The following PDIA3 variants were observed in gnomAD, a reference collection of about 807,000 sequenced individuals.
PDIA3 encodes protein disulfide isomerase family A member 3, also known as protein disulfide-isomerase A3.
Under a neutral mutation model 56.9 loss-of-function variants are expected in PDIA3, and 16 were observed. The observed-to-expected ratio is 0.28, with a 90% CI of 0.19 to 0.43. The LOEUF is 0.43. PDIA3 is among the 20% of genes least tolerant of loss of function. The pLI is 1.00. For missense variants in PDIA3, 485 were observed against 621.3 expected (o/e 0.78, Z 2.33); for synonymous variants, 192 against 216.5 (o/e 0.89, Z 0.99).
At chr15:43,759,535 T>C (rs756413722) in intron 3 of PDIA3, among the ~76,000 whole-genome samples, 31 of 152,150 alleles carry the variant, frequency 2.0e-4, no homozygotes, top group Non-Finnish European at 4.0e-4. Flanking sequence ...TGAGAACATA[T>C]GAATAATATT....
chr15:43,756,384 A>G (rs1463308785), intron 2 of PDIA3, among the ~76,000 whole-genome samples: 1 of 152,260 alleles, frequency 6.6e-6, no homozygotes, highest in Non-Finnish European at 1.5e-5. Context: ...CGCTTTAGCT[A>G]ATAGAGACTA....
At chr15:43,766,080 T>C in intron 7 of PDIA3, 68 bp downstream of exon 7, 1 of 1,322,770 alleles carries the variant, frequency 7.6e-7, no homozygotes, top group Non-Finnish European at 1.0e-6. Flanking sequence ...CTTCTAACTA[T>C]CTTGTTGGTT....
intron 5 of PDIA3, among the ~76,000 whole-genome samples, chr15:43,763,416 C>G (rs1337299269): frequency 6.6e-6 from 1 of 152,152 alleles, no homozygotes; most frequent in African/African-American, 2.4e-5. Context: ...CCACACCCTG[C>G]TAATTTTTGT....
At chr15:43,746,897 C>T (rs1480769770) in intron 1 of PDIA3, 191 bp downstream of exon 1, 3 of 621,244 alleles carry the variant, frequency 4.8e-6, no homozygotes, top group Non-Finnish European at 8.4e-6. Flanking sequence ...CTGATCGGCC[C>T]AAGGAAAACC....
At chr15:43,756,058 G>A (rs1025356163) in intron 2 of PDIA3, among the ~76,000 whole-genome samples, 2 of 152,098 alleles carry the variant, frequency 1.3e-5, no homozygotes, top group African/African-American at 2.4e-5. Flanking sequence ...GATAATATAT[G>A]CAAAGTACTT....
Position 43,771,554 on chromosome 15 carries a change from C to T in PDIA3, c.*336C>T. Reference sequence around the variant, plus strand: ...GACCCCTTTAAACTGTCTTATTTTCCACCAGATTGAGAACCAGATGTTCTC... The same window carrying T: ...GACCCCTTTAAACTGTCTTATTTTCTACCAGATTGAGAACCAGATGTTCTC... On this transcript the variant is annotated 3_prime_UTR_variant, in exon 13 of 13. Transcript: ENST00000300289. 2.2e-6 allele frequency: 1 copy of T among 455,744 alleles called. No individual in the cohort carries two copies. Among genetic ancestry groups the T allele is most frequent in the Non-Finnish European group, 3.8e-6 (1 of 260,856 alleles). 28.2% of individuals were successfully genotyped at this position (455,744 alleles called of 1,614,324 possible). A position where few individuals can be genotyped will look rare whatever the true frequency, so the allele number is the denominator to read the frequency against.
At chr15:43,752,769 T>C (rs2141645079) in intron 1 of PDIA3, 1 of 470,888 alleles carries the variant, frequency 2.1e-6, no homozygotes, top group South Asian at 1.5e-5. Context: ...GTTTCTTCTC[T>C]ATTATATTTC....
intron 3 of PDIA3, among the ~76,000 whole-genome samples, chr15:43,760,493 CTA>C (rs2086807541): frequency 6.6e-6 from 1 of 150,762 alleles, no homozygotes; most frequent in Non-Finnish European, 1.5e-5. Context: ...TAGTGAAACA[CTA>C]TGCATTGTAA....
In PDIA3 at chr15:43,746,690, G is replaced by C. The variant is rs2086707948; in HGVS notation, c.151G>C (p.Glu51Gln). 1.2e-6 allele frequency: 2 copies of C among 1,612,838 alleles called. No individual in the cohort carries two copies. Among genetic ancestry groups the C allele is most frequent in the African/African-American group, 1.3e-5 (1 of 74,934 alleles). The change falls in exon 1 of 13, where the codon GAG becomes CAG. Residue 51 changes from glutamate to glutamine, a missense_variant. Coordinates refer to ENST00000300289, the MANE Select transcript of PDIA3 (RefSeq NM_005313.5). ...DTGSAGLMLV[E>Q]FFAPWCGHCK... ...GGGCTCTGCGGGCCTCATGCTCGTC[G>C]AGTTCTTCGCCCCCTGGTGAGTCCA...
chr15:43,773,190 C>T lies in PDIA3; in HGVS notation c.*1972C>T, dbSNP rs750854788. ...TGGGACAATTTCTGGTGAAGGTACT[C>T]ACAGCGACGCTTTTCTTCTCTGTAA... On this transcript the variant is annotated 3_prime_UTR_variant, in exon 13 of 13. Coordinates refer to ENST00000300289, the MANE Select transcript of PDIA3 (RefSeq NM_005313.5). 2.5e-6 allele frequency: 4 copies of T among 1,613,934 alleles called. No individual in the cohort carries two copies. The South Asian group carries it at 4.4e-5, about 18-fold the overall frequency.
chr15:43,746,686 C>G lies in PDIA3; in HGVS notation c.147C>G (p.Leu49=), dbSNP rs541287116. 20 of 1,612,830 alleles carry G rather than the reference C, an allele frequency of 1.2e-5. No individual in the cohort carries two copies. The highest frequency in any genetic ancestry group is 1.6e-5 in the Non-Finnish European group (19 of 1,179,904). ...ACACGGGCTCTGCGGGCCTCATGCTCGTCGAGTTCTTCGCCCCCTGGTGAG... is the reference window on the plus strand; with the variant it reads ...ACACGGGCTCTGCGGGCCTCATGCTGGTCGAGTTCTTCGCCCCCTGGTGAG... ...ISDTGSAGLM[L]VEFFAPWCGH... Residue 49 remains leucine, a synonymous_variant, in exon 1 of 13, where the codon CTC becomes CTG. Transcript: ENST00000300289.
chr15:43,770,561 T>A lies in PDIA3; in HGVS notation c.1385T>A (p.Leu462Gln). The change falls in exon 12 of 13, where the codon CTA becomes CAA. Residue 462 changes from leucine (L) to glutamine (Q), a missense_variant. Physicochemically the swap from Leu to Gln is moderately radical, Grantham distance 113 (BLOSUM62 -2). Coordinates refer to ENST00000300289, the MANE Select transcript of PDIA3 (RefSeq NM_005313.5). ...TACTTCTCTCCAGCCAACAAGAAGC[T>A]AAATCCAAAGAAATATGAAGTAAGT... ...TIYFSPANKK[L>Q]NPKKYEGGRE... The A allele has an allele frequency of 6.2e-7, 1 of 1,610,660 alleles. No homozygotes were observed. Among genetic ancestry groups the A allele is most frequent in the East Asian group, 2.2e-5 (1 of 44,872 alleles).
intron 4 of PDIA3, 64 bp from the exon 5 acceptor site, chr15:43,763,013 G>A: frequency 1.3e-6 from 2 of 1,511,594 alleles, no homozygotes; most frequent in Non-Finnish European, 1.8e-6. Context: ...AGACGTTTAT[G>A]GTTTGGAATG....
chr15:43,746,834 A>G (rs1409497686), intron 1 of PDIA3, 128 bp downstream of exon 1: 6 of 1,075,422 alleles, frequency 5.6e-6, no homozygotes, highest in Non-Finnish European at 8.1e-6. Flanking sequence ...CGGCGGGCAC[A>G]TTTCTCATTC....
At chr15:43,752,987 A>G in intron 1 of PDIA3, 2 of 428,878 alleles carry the variant, frequency 4.7e-6, no homozygotes, top group Non-Finnish European at 9.6e-6. Context: ...TCTCATGGCT[A>G]GGTGAACTAT....
chr15:43,758,533 CTGTAA>C (rs1246713986), intron 3 of PDIA3, among the ~76,000 whole-genome samples: 2 of 151,670 alleles, frequency 1.3e-5, no homozygotes, highest in Admixed American at 1.3e-4. Flanking sequence ...ATGCGCATAC[CTGTAA>C]TCCCAGCTAC....
chr15:43,754,018 A>G (rs563796934), intron 2 of PDIA3, 116 bp downstream of exon 2: 7 of 729,920 alleles, frequency 9.6e-6, no homozygotes, highest in African/African-American at 1.7e-5. Flanking sequence ...TAAGATTAAC[A>G]TTCATTTTCT....
At chr15:43,751,632 A>G (rs2086744815) in intron 1 of PDIA3, 1 of 1,304,058 alleles carries the variant, frequency 7.7e-7, no homozygotes, top group Non-Finnish European at 1.0e-6. Flanking sequence ...AGCCTCATTG[A>G]AACTCTTTTT....
At chr15:43,767,844 C>T (rs2141656681) in intron 8 of PDIA3, among the ~76,000 whole-genome samples, 2 of 150,992 alleles carry the variant, frequency 1.3e-5, no homozygotes, top group South Asian at 4.2e-4. Flanking sequence ...TGGTGGCTCA[C>T]ACCTATAATC....
Sources: gnomAD v4.1 joint callset for allele counts (sites outside exome capture counted in the v4.1 genomes callset) on GRCh38, gnomAD v4.1.1 for gene constraint, MANE v1.5 for transcripts, NCBI Gene and HGNC (gene_info 2026-07-23, HGNC 2026-07-21) for gene names.